Variants in AP4E1 observed in about 807,000 individuals in gnomAD.
The protein encoded by AP4E1 is adaptor related protein complex 4 subunit epsilon 1, also known as AP-4 complex subunit epsilon-1.
In AP4E1, 56 loss-of-function variants were observed where a neutral mutation model predicts 128.2. That is an observed-to-expected ratio of 0.44 (90% CI 0.35 to 0.55). The LOEUF (loss-of-function observed/expected upper bound fraction) is 0.55, where lower values mean the gene tolerates loss of function less well. Ranked by LOEUF, AP4E1 falls within the 20% of genes least tolerant of loss-of-function variation. AP4E1 has a pLI of 0.00. For synonymous variants in AP4E1, 484 were observed against 473.1 expected, an observed-to-expected ratio of 1.02 and a Z score of -0.30; for missense variants, 1,324 against 1,307.7, an observed-to-expected ratio of 1.01 and a Z score of -0.19.
intron 18 of AP4E1, 86 bp from the exon 19 acceptor site, chr15:50,998,985 AC>A (rs1343631298): frequency 1.8e-5 from 23 of 1,256,356 alleles, no homozygotes; most frequent in Non-Finnish European, 2.7e-5. Context: ...GATTTGTGCC[AC>A]TTCAATTAAA....
chr15:50,908,560 T>A (rs773930982), upstream of AP4E1: 29 of 508,060 alleles, frequency 5.7e-5, no homozygotes, highest in Non-Finnish European at 8.0e-5. Flanking sequence ...ACGCGCGCAA[T>A]CTCGAGCGAG....
Position 50,989,340 on chromosome 15 carries a change from CATCTT to C in AP4E1, c.2091-4027_2091-4023del, listed in dbSNP as rs528999529. On this transcript the variant is annotated intron_variant, in intron 16 of 20. Coordinates refer to ENST00000261842, the MANE Select transcript of AP4E1 (RefSeq NM_007347.5). ...CTTCTGTATTTATTAAGAAATCAGTCATCTTATTTTATGTTCATCCTTACATTTGT... is the reference window on the plus strand; with the variant it reads ...CTTCTGTATTTATTAAGAAATCAGTCATTTTATGTTCATCCTTACATTTGT... Among the ~76,000 whole-genome samples, 21 of 152,204 alleles carry C rather than the reference CATCTT, an allele frequency of 1.4e-4. No individual in the cohort carries two copies. In the East Asian group the frequency reaches 3.7e-3, roughly 27 times the overall value.
intron 11 of AP4E1, among the ~76,000 whole-genome samples, chr15:50,948,566 T>C (rs1214158379): frequency 5.3e-5 from 8 of 152,196 alleles, no homozygotes; most frequent in Non-Finnish European, 2.9e-5. Context: ...AAGCTGGAAA[T>C]TGTCACAGTT....
At chr15:50,941,383 A>T (rs181822317) in intron 8 of AP4E1, 59 bp from the exon 9 acceptor site, 2 of 1,570,674 alleles carry the variant, frequency 1.3e-6, no homozygotes, top group East Asian at 4.5e-5. Flanking sequence ...TTCTACACAA[A>T]TACATTGTTT....
chr15:50,950,275 C>A, intron 13 of AP4E1, 106 bp downstream of exon 13: 1 of 755,928 alleles, frequency 1.3e-6, no homozygotes, highest in Non-Finnish European at 2.1e-6. Flanking sequence ...CTAACTCCTT[C>A]AGCTGTCAAT....
At chr15:50,937,754 A>C (rs2063926529) in intron 8 of AP4E1, among the ~76,000 whole-genome samples, 1 of 152,158 alleles carries the variant, frequency 6.6e-6, no homozygotes, top group South Asian at 2.1e-4. Context: ...ACATGAGAGA[A>C]GGTGTAGACA....
At chr15:50,916,576 C>T (rs2063633294) in intron 3 of AP4E1, among the ~76,000 whole-genome samples, 1 of 152,174 alleles carries the variant, frequency 6.6e-6, no homozygotes, top group Non-Finnish European at 1.5e-5. Context: ...TAGCATTATT[C>T]ATAAGTTATA....
rs375517956 is a variant in AP4E1, at chr15:50,997,483, T to C, written c.2504T>C (p.Leu835Ser). 8.7e-6 allele frequency: 14 copies of C among 1,614,060 alleles called. 1 individual carries two copies. In the African/African-American group the frequency reaches 1.9e-4, roughly 22 times the overall value. Reference sequence around the variant, plus strand: ...GAAGATGATTATTATTCGAATACTTTGCACGATACAGGAGACAAGGAATTA... The same window carrying C: ...GAAGATGATTATTATTCGAATACTTCGCACGATACAGGAGACAAGGAATTA... ...AYEDDYYSNT[L>S]HDTGDKELKK... The change falls in exon 18 of 21, where the codon TTG becomes TCG. Residue 835 changes from leucine to serine, a missense_variant. Coordinates refer to ENST00000261842, the MANE Select transcript of AP4E1 (RefSeq NM_007347.5).
At position 50,944,654 on chromosome 15, in the gene AP4E1, A is replaced by G. The variant is rs369469644; in HGVS notation, c.1176+2879A>G. 5.4e-5 allele frequency: 20 copies of G among 372,194 alleles called. 1 individual carries two copies. Among genetic ancestry groups the G allele is most frequent in the South Asian group, 5.2e-4 (10 of 19,080 alleles). The allele number at this position is 372,194 out of a possible 1,614,324, so 23.1% of individuals were successfully genotyped here. On this transcript the variant is annotated intron_variant, in intron 10 of 20. Transcript: ENST00000261842. ...GCTCGTGGAGTCCGGCCAGAAGAGC[A>G]ACCAAGATGAGGATGAAGATACTGA...
At chr15:50,937,429 A>G (rs747353536) in intron 8 of AP4E1, among the ~76,000 whole-genome samples, 1 of 152,238 alleles carries the variant, frequency 6.6e-6, no homozygotes, top group African/African-American at 2.4e-5. Flanking sequence ...AAAGACATCT[A>G]TTGAATATCT....
intron 11 of AP4E1, 120 bp downstream of exon 11, chr15:50,948,279 C>T (rs1436329128): frequency 6.3e-6 from 8 of 1,272,154 alleles, no homozygotes; most frequent in South Asian, 1.3e-5. Flanking sequence ...ACTTTTTATT[C>T]CTGATTTTCA....
At chr15:50,953,952 C>T (rs1360365966) in intron 13 of AP4E1, among the ~76,000 whole-genome samples, 2 of 152,280 alleles carry the variant, frequency 1.3e-5, no homozygotes, top group Admixed American at 1.3e-4. Context: ...GAGTGGAAGA[C>T]GTGATCAGAA....
chr15:50,996,117 T>C (rs2064869384), intron 17 of AP4E1, among the ~76,000 whole-genome samples: 1 of 149,104 alleles, frequency 6.7e-6, no homozygotes, highest in African/African-American at 2.5e-5. Context: ...GTCTCCCGAG[T>C]AGCTGGGATT....
At chr15:50,966,215 G>A (rs2064390023) in intron 14 of AP4E1, among the ~76,000 whole-genome samples, 1 of 152,076 alleles carries the variant, frequency 6.6e-6, no homozygotes, top group Admixed American at 6.6e-5. Context: ...CACCGCACCT[G>A]GTCTAGAAAA....
intron 15 of AP4E1, among the ~76,000 whole-genome samples, chr15:50,979,800 C>T (rs1401644603): frequency 6.6e-6 from 1 of 152,126 alleles, no homozygotes; most frequent in Non-Finnish European, 1.5e-5. Flanking sequence ...GCTGGAATTA[C>T]CACCCGGCCA....
chr15:50,950,016 G>A (rs1475831918), intron 12 of AP4E1, 35 bp from the exon 13 acceptor site: 3 of 1,592,392 alleles, frequency 1.9e-6, no homozygotes, highest in Admixed American at 1.7e-5. Context: ...AGATAAGTTT[G>A]TGGAAATTAA....
At chr15:50,945,616 G>T (rs2064049508) in intron 10 of AP4E1, 1 of 760,518 alleles carries the variant, frequency 1.3e-6, no homozygotes, top group East Asian at 2.4e-5. Context: ...AAGCAGGGAG[G>T]TATATCACAC....
intron 19 of AP4E1, among the ~76,000 whole-genome samples, chr15:51,000,199 G>A (rs2064942101): frequency 1.4e-5 from 2 of 141,550 alleles, no homozygotes; most frequent in Admixed American, 1.5e-4. Context: ...CTGGAGTGCA[G>A]TGGCACACTA....
intron 10 of AP4E1, chr15:50,945,923 G>C (rs781187761): frequency 1.6e-6 from 2 of 1,271,450 alleles, no homozygotes; most frequent in Admixed American, 1.7e-5. Flanking sequence ...GAAGTGAATC[G>C]TATTAAACAC....
Sources: gnomAD v4.1 joint callset for allele counts (sites outside exome capture counted in the v4.1 genomes callset) on GRCh38, gnomAD v4.1.1 for gene constraint, MANE v1.5 for transcripts, NCBI Gene and HGNC (gene_info 2026-07-23, HGNC 2026-07-21) for gene names.